PPEF2: variants seen among roughly 807,000 people sequenced by gnomAD.
PPEF2 encodes protein phosphatase with EF-hand domain 2, also known as serine/threonine-protein phosphatase with EF-hands 2.
In PPEF2, 84 loss-of-function variants were observed where a neutral mutation model predicts 84.7. The ratio of observed to expected loss-of-function variants is 0.99; its 90% CI spans 0.83 to 1.19. The LOEUF (loss-of-function observed/expected upper bound fraction) is 1.19, where lower values mean the gene tolerates loss of function less well. Among genes scored for constraint, PPEF2 ranks in the 50% most tolerant of loss-of-function variants. The probability of loss-of-function intolerance (pLI) is 0.00; values close to 1 mark genes in which losing one functional copy is unlikely to be tolerated. For synonymous variants in PPEF2, 346 were observed against 345.2 expected, an observed-to-expected ratio of 1.00 and a Z score of -0.03; for missense variants, 924 against 937.5, an observed-to-expected ratio of 0.99 and a Z score of 0.19.
At chr4:75,884,209 T>C (rs1408336164) in intron 8 of PPEF2, among the ~76,000 whole-genome samples, 2 of 151,972 alleles carry the variant, frequency 1.3e-5, no homozygotes, top group African/African-American at 4.8e-5. Context: ...GGGGTGCAGA[T>C]CACTTGAGGT....
intron 2 of PPEF2, among the ~76,000 whole-genome samples, chr4:75,892,264 G>T (rs1408724233): frequency 6.6e-6 from 1 of 152,182 alleles, no homozygotes; most frequent in East Asian, 1.9e-4. Context: ...TCTGTATAGG[G>T]ATGAAAAGGT....
intron 7 of PPEF2, among the ~76,000 whole-genome samples, chr4:75,885,550 A>T (rs1578011391): frequency 6.6e-6 from 1 of 152,356 alleles, no homozygotes; most frequent in East Asian, 1.9e-4. Context: ...TTGCTGCAAC[A>T]GAGTAGCAAA....
chr4:75,885,018 C>T (rs1367134436), intron 7 of PPEF2, among the ~76,000 whole-genome samples: 1 of 152,104 alleles, frequency 6.6e-6, no homozygotes, highest in Non-Finnish European at 1.5e-5. Flanking sequence ...GAGCAAAGGG[C>T]ACCAAACTTG....
Position 75,891,686 on chromosome 4 carries a change from T to C in PPEF2, c.203A>G (p.Tyr68Cys), listed in dbSNP as rs1219077698. Residue 68 changes from tyrosine to cysteine, a missense_variant, in exon 4 of 17, where the codon TAT (tyrosine) becomes TGT (cysteine). Transcript: ENST00000286719. ...DQVKLHDFFSYLMDHFIPSSH... is the reference protein window; with the variant it reads ...DQVKLHDFFSCLMDHFIPSSH... ...GCTGGGGATGAAGTGATCCATGAGA[T>C]AGCTGAAGAAGTCATGGAGCTGCAG... The C allele has an allele frequency of 1.2e-6, 2 of 1,611,788 alleles. No homozygotes were observed. The highest frequency in any genetic ancestry group is 2.2e-5 in the East Asian group (1 of 44,894).
rs759980800 is a variant in PPEF2, at chr4:75,876,295, ACTC to A, written c.1309_1311del (p.Glu437del). On this transcript the variant is annotated inframe_deletion, in exon 11 of 17. Transcript: ENST00000286719. The stretch of plus-strand genomic sequence containing the variant: ...CGCCTGGCCACGCTCACCTGCCTCC[ACTC>A]CTCCTGAGTGGGCTTCCGCAGCTCT... The A allele has an allele frequency of 3.7e-6, 6 of 1,602,076 alleles. No homozygotes were observed. In the Admixed American group the frequency reaches 1.0e-4, roughly 27 times the overall value.
chr4:75,871,616 G>C (rs1159543689), intron 13 of PPEF2, among the ~76,000 whole-genome samples: 1 of 152,094 alleles, frequency 6.6e-6, no homozygotes, highest in Non-Finnish European at 1.5e-5. Flanking sequence ...GACTACAAGA[G>C]TACGCCACCA....
At chr4:75,872,304 T>C in intron 12 of PPEF2, 137 bp from the exon 13 acceptor site, 1 of 884,056 alleles carries the variant, frequency 1.1e-6, no homozygotes, top group Non-Finnish European at 1.6e-6. Flanking sequence ...CTTTCTTTCT[T>C]TCTTTCTTTT....
chr4:75,886,247 C>G (rs1190822205), intron 7 of PPEF2, among the ~76,000 whole-genome samples: 1 of 152,180 alleles, frequency 6.6e-6, no homozygotes. Flanking sequence ...CAGTTGGCCT[C>G]GGATAGCCAG....
chr4:75,900,872 G>A (rs572741634), intron 1 of PPEF2, among the ~76,000 whole-genome samples: 51 of 151,820 alleles, frequency 3.4e-4, no homozygotes, highest in Non-Finnish European at 6.9e-4. Context: ...ATATGAAAAC[G>A]GCCCCAAGAT....
chr4:75,868,315 C>CAAAAAAAAAAAAAAAAAAAA (rs10646136), intron 13 of PPEF2, among the ~76,000 whole-genome samples: 2 of 55,704 alleles, frequency 3.6e-5, no homozygotes, highest in Non-Finnish European at 6.3e-5. Context: ...GACCCTGTCT[C>CAAAAAAAAAAAAAAAAAAAA]AAAAAAAAAA....
rs771803057 is a variant in PPEF2, at chr4:75,882,939, A to G, written c.920T>C (p.Ile307Thr). Reference sequence around the variant, plus strand: ...ATTAACCACTACCTTGCTCCTCTCTATTTTGTCCAAAAGCTCCAGATCAGT... The same window carrying G: ...ATTAACCACTACCTTGCTCCTCTCTGTTTTGTCCAAAAGCTCCAGATCAGT... ...DITDLELLDK[I>T]ERSKIVSTMR... Residue 307 changes from isoleucine (I) to threonine (T), a missense_variant, in exon 10 of 17, where the codon ATA (isoleucine) becomes ACA (threonine). Ile to Thr is a moderately conservative substitution (Grantham distance 89). Coordinates refer to ENST00000286719, the MANE Select transcript of PPEF2 (RefSeq NM_006239.3). 3.1e-6 allele frequency: 5 copies of G among 1,612,374 alleles called. No homozygotes were observed. In the East Asian group the frequency reaches 8.9e-5, roughly 29 times the overall value.
chr4:75,880,729 A>G (rs1026409147), intron 10 of PPEF2, among the ~76,000 whole-genome samples: 4 of 152,058 alleles, frequency 2.6e-5, no homozygotes, highest in African/African-American at 9.7e-5. Flanking sequence ...TGGGAGGCCA[A>G]AGTGGGAGAA....
chr4:75,891,600 C>A, intron 4 of PPEF2, 48 bp downstream of exon 4: 1 of 1,558,924 alleles, frequency 6.4e-7, no homozygotes, highest in Non-Finnish European at 8.7e-7. Context: ...ACCGTGTAAT[C>A]TATGGCCTTG....
intron 8 of PPEF2, 132 bp downstream of exon 8, chr4:75,884,462 G>A (rs1724668812): frequency 9.5e-7 from 1 of 1,055,212 alleles, no homozygotes; most frequent in Admixed American, 2.6e-5. Flanking sequence ...GTTATATACT[G>A]TGTATTCTGC....
At chr4:75,883,818 A>C (rs1724643191) in intron 8 of PPEF2, among the ~76,000 whole-genome samples, 2 of 4,260 alleles carry the variant, frequency 4.7e-4, no homozygotes, top group South Asian at 0.038. Context: ...ACTCCGTCAC[A>C]AAAAAAAAAA....
intron 8 of PPEF2, chr4:75,883,489 G>A: frequency 5.2e-6 from 2 of 383,336 alleles, no homozygotes; most frequent in East Asian, 4.6e-5. Flanking sequence ...CAAATTCAAT[G>A]GTTTCATTGG....
chr4:75,876,458 C>T lies in PPEF2; in HGVS notation c.1149G>A (p.Gly383=). Residue 383 remains glycine (G), a synonymous_variant, in exon 11 of 17, where the codon GGG becomes GGA. Coordinates refer to ENST00000286719, the MANE Select transcript of PPEF2 (RefSeq NM_006239.3). The part of the protein sequence containing the change: ...SSIPCSGSLD[G]RELSRQVRSS... ...TCCGCACCTGCCGGGAGAGCTCCCGCCCGTCCAGGGAACCGCTGCAGGGGA... is the reference window on the plus strand; with the variant it reads ...TCCGCACCTGCCGGGAGAGCTCCCGTCCGTCCAGGGAACCGCTGCAGGGGA... 1 of 1,614,016 alleles carries T rather than the reference C, an allele frequency of 6.2e-7. No homozygotes were observed. Among genetic ancestry groups the T allele is most frequent in the South Asian group, 1.1e-5 (1 of 91,048 alleles).
chr4:75,890,769 C>T (rs1027085497), intron 4 of PPEF2, among the ~76,000 whole-genome samples: 6 of 152,190 alleles, frequency 3.9e-5, no homozygotes, highest in Non-Finnish European at 5.9e-5. Flanking sequence ...ATTTAGTGAG[C>T]GCAACAGGTG....
At chr4:75,894,171 AAGAT>A (rs1280668060) in intron 2 of PPEF2, among the ~76,000 whole-genome samples, 10 of 152,194 alleles carry the variant, frequency 6.6e-5, no homozygotes, top group African/African-American at 1.7e-4. Flanking sequence ...TTATTTAAGA[AAGAT>A]AGAACAGAGA....
Sources: gnomAD v4.1 joint callset for allele counts (sites outside exome capture counted in the v4.1 genomes callset) on GRCh38, gnomAD v4.1.1 for gene constraint, MANE v1.5 for transcripts, NCBI Gene and HGNC (gene_info 2026-07-23, HGNC 2026-07-21) for gene names.